Variants in ZNF594 observed in about 807,000 individuals in gnomAD.
ZNF594 encodes zinc finger protein HZF18.
For missense variants in ZNF594, 1,037 were observed against 964.6 expected (o/e 1.08, Z -0.99); for synonymous variants, 336 against 309.4 (o/e 1.09, Z -0.90).
At chr17:5,191,394 G>A (rs978637791) in intron 1 of ZNF594, 1 of 151,962 alleles carries the variant, frequency 6.6e-6, no homozygotes, top group African/African-American at 2.4e-5. Context: ...TCACTCGTGG[G>A]ATGCAAAAAC....
At position 5,182,305 on chromosome 17, in the gene ZNF594, G is replaced by C. The variant is rs1486366085; in HGVS notation, c.1952C>G (p.Pro651Arg). 6.2e-7 allele frequency: 1 copy of C among 1,613,424 alleles called. No individual in the cohort carries two copies. The highest frequency in any genetic ancestry group is 8.5e-7 in the Non-Finnish European group (1 of 1,179,920). ...KHHRIHTGEKPYECSECGKAF... is the reference protein window; with the variant it reads ...KHHRIHTGEKRYECSECGKAF... ...TTTCCCACATTCACTACATTCATAG[G>C]GTTTCTCTCCAGTATGAATACGATG... The change falls in exon 2 of 2, where the codon CCC becomes CGC. Residue 651 changes from proline to arginine, a missense_variant. Physicochemically the swap from Pro to Arg is moderately radical, Grantham distance 103. Transcript: ENST00000575779.
Position 5,182,221 on chromosome 17 carries a change from G to A in ZNF594, c.2036C>T (p.Pro679Leu). Reference sequence around the variant, plus strand: ...ATTCCCACATTCACTGCACTGATAGGGTTTCTCTCCAGTATGGATTTTCTG... The same window carrying A: ...ATTCCCACATTCACTGCACTGATAGAGTTTCTCTCCAGTATGGATTTTCTG... ...THQKIHTGEKPYQCSECGNAF... is the reference protein window; with the variant it reads ...THQKIHTGEKLYQCSECGNAF... The change falls in exon 2 of 2, where the codon CCC becomes CTC. Residue 679 changes from proline (P) to leucine (L), a missense_variant. Physicochemically the swap from Pro to Leu is moderately conservative, Grantham distance 98. Coordinates refer to ENST00000575779, the MANE Select transcript of ZNF594 (RefSeq NM_032530.2). 4.3e-6 allele frequency: 7 copies of A among 1,613,466 alleles called. No homozygotes were observed. The highest frequency in any genetic ancestry group is 1.1e-5 in the South Asian group (1 of 91,056).
Position 5,181,896 on chromosome 17 carries a change from T to C in ZNF594, c.2361A>G (p.Lys787=). 1 of 1,614,012 alleles carries C rather than the reference T, an allele frequency of 6.2e-7. No homozygotes were observed. Residue 787 remains lysine, a synonymous_variant, in exon 2 of 2, where the codon AAA becomes AAG. Coordinates refer to ENST00000575779, the MANE Select transcript of ZNF594 (RefSeq NM_032530.2). ...IRHQVTHTRE[K]PYECKECGKT... ...TCCCACATTCTTTACATTCATATGG[T>C]TTCTCTCTTGTATGAGTTACCTGAT...
chr17:5,186,106 C>A (rs1339984768), intron 1 of ZNF594, among the ~76,000 whole-genome samples: 1 of 152,230 alleles, frequency 6.6e-6, no homozygotes, highest in African/African-American at 2.4e-5. Flanking sequence ...GTAGGGACTC[C>A]ATATGGTGGC....
In ZNF594 at chr17:5,181,399, A is replaced by C. The variant is rs765477455; in HGVS notation, c.*434T>G. ...GCCCTACCACACTGATTACACCAAT[A>C]AGCTTTCTCTTCTTGGTGAATTTTC... is the stretch of plus-strand genomic sequence containing the variant. On this transcript the variant is annotated 3_prime_UTR_variant, in exon 2 of 2. Transcript: ENST00000575779. The C allele has an allele frequency of 1.9e-6, 3 of 1,612,904 alleles. No homozygotes were observed. Among genetic ancestry groups the C allele is most frequent in the African/African-American group, 2.7e-5 (2 of 74,782 alleles).
chr17:5,184,377 C>T (rs1005935190), intron 1 of ZNF594, 101 bp from the exon 2 acceptor site: 1 of 1,156,770 alleles, frequency 8.6e-7, no homozygotes, highest in African/African-American at 1.5e-5. Flanking sequence ...ACTCAGAAGA[C>T]CTTTCCCTGC....
chr17:5,178,348 TA>T (rs1399645516), downstream of ZNF594, among the ~76,000 whole-genome samples: 1 of 151,788 alleles, frequency 6.6e-6, no homozygotes, highest in African/African-American at 2.4e-5. Flanking sequence ...ACAGTATATG[TA>T]AAAAAAAGCA....
chr17:5,174,541 A>G (rs895507904), downstream of ZNF594: 1 of 192,908 alleles, frequency 5.2e-6, no homozygotes, highest in African/African-American at 2.3e-5. Context: ...TAAATTGTCT[A>G]ATGTAATAAA....
In ZNF594 at chr17:5,189,503, T is replaced by C. The variant is rs1381518868; in HGVS notation, c.-21+2245A>G. Among the ~76,000 whole-genome samples the C allele has an allele frequency of 4.0e-5, 6 of 150,642 alleles. No homozygotes were observed. The East Asian group carries it at 1.2e-3, about 29-fold the overall frequency. On this transcript the variant is annotated intron_variant, in intron 1 of 1. Transcript: ENST00000575779. ...ATCTTCCTGCCTCAGCCTCCCAAAG[T>C]GCTAGCATTACAGGCGTGAGCCACT...
rs2144238208 is a variant in ZNF594, at chr17:5,181,422, T to C, written c.*411A>G. 3 of 1,613,526 alleles carry C rather than the reference T, an allele frequency of 1.9e-6. No individual in the cohort carries two copies. Among genetic ancestry groups the C allele is most frequent in the Middle Eastern group, 1.7e-4 (1 of 6,060 alleles). ...ATAAGCTTTCTCTTCTTGGTGAATTTTCTGCTCTCCCCTAAGCTCCTCATC... is the reference window on the plus strand; with the variant it reads ...ATAAGCTTTCTCTTCTTGGTGAATTCTCTGCTCTCCCCTAAGCTCCTCATC... On this transcript the variant is annotated 3_prime_UTR_variant, in exon 2 of 2. Coordinates refer to ENST00000575779, the MANE Select transcript of ZNF594 (RefSeq NM_032530.2).
downstream of ZNF594, among the ~76,000 whole-genome samples, chr17:5,178,755 A>G (rs756934965): frequency 3.9e-5 from 6 of 152,218 alleles, no homozygotes; most frequent in Non-Finnish European, 8.8e-5. Flanking sequence ...AAACCAGGTA[A>G]CAAGATACAA....
intron 1 of ZNF594, among the ~76,000 whole-genome samples, chr17:5,187,272 C>T (rs544963568): frequency 6.6e-6 from 1 of 152,296 alleles, no homozygotes; most frequent in Admixed American, 6.5e-5. Flanking sequence ...AAAGCGGAAA[C>T]CAATGATAAA....
rs1267140594 is a variant in ZNF594, at chr17:5,182,333, G to T, written c.1924C>A (p.His642Asn). 2.5e-6 allele frequency: 4 copies of T among 1,613,470 alleles called. No homozygotes were observed. The Admixed American group carries it at 6.7e-5, about 27-fold the overall frequency. Residue 642 changes from histidine (H) to asparagine (N), a missense_variant, in exon 2 of 2, where the codon CAC (histidine) becomes AAC (asparagine). By Grantham distance (68) the His-to-Asn change is moderately conservative. Transcript: ENST00000575779. ...SFRGSSDLIK[H>N]HRIHTGEKPY... is the part of the protein sequence containing the mutation. ...TTCTCTCCAGTATGAATACGATGGT[G>T]TTTAATAAGATCTGAGCTACCCCTA...
At chr17:5,185,911 T>C (rs2074382898) in intron 1 of ZNF594, among the ~76,000 whole-genome samples, 1 of 152,180 alleles carries the variant, frequency 6.6e-6, no homozygotes, top group African/African-American at 2.4e-5. Context: ...TGGGTTCCCA[T>C]GGTCTTGGGC....
chr17:5,177,489 C>T (rs546621227), downstream of ZNF594, among the ~76,000 whole-genome samples: 8 of 152,246 alleles, frequency 5.3e-5, no homozygotes, highest in South Asian at 6.2e-4. Flanking sequence ...GCAGGTGGAT[C>T]GCCTGAGGCC....
At chr17:5,178,410 G>C (rs2074319229), downstream of ZNF594, among the ~76,000 whole-genome samples, 1 of 152,092 alleles carries the variant, frequency 6.6e-6, no homozygotes, top group South Asian at 2.1e-4. Flanking sequence ...ATATGTAAAA[G>C]AAGGCAGCTT....
In ZNF594 at chr17:5,181,307, A is replaced by G. The variant is rs756520744; in HGVS notation, c.*526T>C. 39 of 1,612,648 alleles carry G rather than the reference A, an allele frequency of 2.4e-5. No homozygotes were observed. Among genetic ancestry groups the G allele is most frequent in the Admixed American group, 6.7e-5 (4 of 59,982 alleles). ...GATTGAAAGTTTTCCCACATTCTTT[A>G]CATTCATATGGTTTCTCTCCTGTAT... On this transcript the variant is annotated 3_prime_UTR_variant, in exon 2 of 2. Transcript: ENST00000575779.
chr17:5,182,012 T>C lies in ZNF594; in HGVS notation c.2245A>G (p.Arg749Gly), dbSNP rs1365648224. The change falls in exon 2 of 2, where the codon AGA becomes GGA. Residue 749 changes from arginine to glycine, a missense_variant. By Grantham distance (125) the Arg-to-Gly change is moderately radical. Coordinates refer to ENST00000575779, the MANE Select transcript of ZNF594 (RefSeq NM_032530.2). ...TCCTGGTGAGTTCTCTGCTCTTTTC[T>C]AAGCTCCTCATCCTTGCTGAAGGTT... ...EKTFSKDEEL[R>G]KEQRTHQEKK... 6.2e-7 allele frequency: 1 copy of C among 1,613,484 alleles called. No individual in the cohort carries two copies. Among genetic ancestry groups the C allele is most frequent in the Non-Finnish European group, 8.5e-7 (1 of 1,180,014 alleles).
Position 5,180,654 on chromosome 17 carries a change from G to A in ZNF594, c.*1179C>T. On this transcript the variant is annotated 3_prime_UTR_variant, in exon 2 of 2. Coordinates refer to ENST00000575779, the MANE Select transcript of ZNF594 (RefSeq NM_032530.2). ...TCAAGTCCAGCCTGGGCAACATAGT[G>A]AGACCTCATCTCTTTGTATGTTAAA... 4.3e-6 allele frequency: 1 copy of A among 233,970 alleles called. No individual in the cohort carries two copies. Among genetic ancestry groups the A allele is most frequent in the Non-Finnish European group, 8.5e-6 (1 of 118,256 alleles). The allele number at this position is 233,970 out of a possible 1,614,324, so 14.5% of individuals were successfully genotyped here.
Sources: allele counts gnomAD v4.1 joint callset (sites outside exome capture counted in the v4.1 genomes callset), GRCh38; gene constraint gnomAD v4.1.1; transcripts MANE v1.5; gene names NCBI Gene and HGNC (gene_info 2026-07-23, HGNC 2026-07-21).